Variants in TSHZ2 observed in about 807,000 individuals in gnomAD.
The protein encoded by TSHZ2 is teashirt zinc finger homeobox 2.
Under a neutral mutation model 74.4 loss-of-function variants are expected in TSHZ2, and 21 were observed. That is an observed-to-expected ratio of 0.28 (90% CI 0.20 to 0.41). TSHZ2 has a LOEUF of 0.41. Ranked by LOEUF, TSHZ2 falls within the 10% of genes least tolerant of loss-of-function variation. TSHZ2 has a pLI of 1.00. For missense variants in TSHZ2, 1,244 were observed against 1,293.5 expected, an observed-to-expected ratio of 0.96 and a Z score of 0.59; for synonymous variants, 540 against 515.3, an observed-to-expected ratio of 1.05 and a Z score of -0.65.
rs1568832069 is a variant in TSHZ2, at chr20:53,246,050, T to TTTTTTTTTTTTTTTTTTTTTTTTTTG, written c.41-7446_41-7445insTTTTTTTTTTTTTTTTTTTTTTGTTT. 4.0e-5 allele frequency among the ~76,000 whole-genome samples: 6 copies of TTTTTTTTTTTTTTTTTTTTTTTTTTG among 150,046 alleles called. 1 individual carries two copies. The highest frequency in any genetic ancestry group is 1.5e-4 in the African/African-American group (6 of 40,246). On this transcript the variant is annotated intron_variant, in intron 1 of 2. Transcript: ENST00000371497. Reference sequence around the variant, plus strand: ...TTTCTTTCTTTCTTTCTTTTTTTTTTTTTGTTTGAGACAGAGTCTTGCTAT... The same window carrying TTTTTTTTTTTTTTTTTTTTTTTTTTG: ...TTTCTTTCTTTCTTTCTTTTTTTTTTTTTTTTTTTTTTTTTTTTTTTTTTTGTTTGTTTGAGACAGAGTCTTGCTAT...
intron 2 of TSHZ2, among the ~76,000 whole-genome samples, chr20:53,307,299 A>C (rs999481300): frequency 1.7e-5 from 2 of 120,544 alleles, no homozygotes; most frequent in Admixed American, 8.1e-5. Flanking sequence ...TTCCAAGTAC[A>C]AAAGAGCTGA....
chr20:53,139,058 T>C (rs1987323055), intron 1 of TSHZ2, among the ~76,000 whole-genome samples: 1 of 152,212 alleles, frequency 6.6e-6, no homozygotes, highest in African/African-American at 2.4e-5. Flanking sequence ...GTTCTGACAG[T>C]GTTTCTCAAG....
At chr20:53,081,256 T>C (rs1985525828) in intron 1 of TSHZ2, among the ~76,000 whole-genome samples, 1 of 152,112 alleles carries the variant, frequency 6.6e-6, no homozygotes, top group Non-Finnish European at 1.5e-5. Flanking sequence ...GGTCTTAAAC[T>C]CCTGGCATCA....
chr20:52,998,295 A>G (rs1032576330), intron 1 of TSHZ2, among the ~76,000 whole-genome samples: 1 of 152,096 alleles, frequency 6.6e-6, no homozygotes, highest in Non-Finnish European at 1.5e-5. Flanking sequence ...CAGCCTCCTG[A>G]CTAGCTGGGA....
At chr20:53,047,808 C>T (rs1984280468) in intron 1 of TSHZ2, among the ~76,000 whole-genome samples, 1 of 152,130 alleles carries the variant, frequency 6.6e-6, no homozygotes, top group Non-Finnish European at 1.5e-5. Flanking sequence ...CTACTGCTGC[C>T]TTCAACATCA....
chr20:53,371,860 G>C (rs560462996), intron 2 of TSHZ2, among the ~76,000 whole-genome samples: 2 of 143,638 alleles, frequency 1.4e-5, no homozygotes, highest in African/African-American at 5.5e-5. Context: ...GGACTACAGA[G>C]AGAGACTCCG....
chr20:53,237,599 G>A (rs1302715692), intron 1 of TSHZ2, among the ~76,000 whole-genome samples: 2 of 151,986 alleles, frequency 1.3e-5, no homozygotes, highest in Non-Finnish European at 2.9e-5. Context: ...CCCATGACTG[G>A]AAAAAGATGA....
At chr20:53,196,493 C>T (rs564925914) in intron 1 of TSHZ2, 1 of 152,124 alleles carries the variant, frequency 6.6e-6, no homozygotes, top group East Asian at 1.9e-4. Flanking sequence ...CAACTCACCC[C>T]GACCTCTTAC....
At chr20:53,108,936 C>T (rs937880188) in intron 1 of TSHZ2, among the ~76,000 whole-genome samples, 2 of 152,148 alleles carry the variant, frequency 1.3e-5, no homozygotes, top group Non-Finnish European at 1.5e-5. Context: ...GAATACACAA[C>T]TCTCCCTTCT....
intron 1 of TSHZ2, among the ~76,000 whole-genome samples, chr20:53,144,242 C>A (rs1380484234): frequency 2.6e-5 from 4 of 152,128 alleles, no homozygotes; most frequent in Non-Finnish European, 5.9e-5. Flanking sequence ...AGTTTCTAAC[C>A]TTGTGGCTAA....
intron 2 of TSHZ2, among the ~76,000 whole-genome samples, chr20:53,349,357 G>C (rs961031752): frequency 6.6e-6 from 1 of 152,202 alleles, no homozygotes; most frequent in African/African-American, 2.4e-5. Context: ...AGCCTTTTCA[G>C]TAATTGTGTA....
rs1395979715 is a variant in TSHZ2 at position 53,487,472 on chromosome 20, G to A, written c.*337G>A. The A allele has an allele frequency of 6.6e-6, 1 of 152,092 alleles. No individual in the cohort carries two copies. Among genetic ancestry groups the A allele is most frequent in the Non-Finnish European group, 1.5e-5 (1 of 68,024 alleles). The allele number at this position is 152,092 out of a possible 1,614,324, so 9.4% of individuals were successfully genotyped here. A position where few individuals can be genotyped will look rare whatever the true frequency, so the allele number is the denominator to read the frequency against. ...CAAAGTGCCACCGAAGAAAAGTAAT[G>A]ACTGAGAGCATTGATGTACTTATTT... is the stretch of plus-strand genomic sequence containing the variant. On this transcript the variant is annotated 3_prime_UTR_variant, in exon 3 of 3. Coordinates refer to ENST00000371497, the MANE Select transcript of TSHZ2 (RefSeq NM_173485.6).
At chr20:53,383,205 G>A (rs1198520466) in intron 2 of TSHZ2, among the ~76,000 whole-genome samples, 1 of 151,858 alleles carries the variant, frequency 6.6e-6, no homozygotes. Flanking sequence ...AGCGGTTGCA[G>A]TGAGCCGAGA....
chr20:53,393,371 C>A (rs1384312780), intron 2 of TSHZ2, among the ~76,000 whole-genome samples: 1 of 152,228 alleles, frequency 6.6e-6, no homozygotes, highest in Non-Finnish European at 1.5e-5. Flanking sequence ...ACAGATTTAG[C>A]TTTGCAGTTC....
At chr20:53,082,317 C>A (rs997579195) in intron 1 of TSHZ2, among the ~76,000 whole-genome samples, 2 of 152,142 alleles carry the variant, frequency 1.3e-5, no homozygotes, top group African/African-American at 4.8e-5. Flanking sequence ...CTGAATAGAG[C>A]AAGCGAATTG....
chr20:53,402,560 G>A (rs1171848434), intron 2 of TSHZ2, among the ~76,000 whole-genome samples: 3 of 152,132 alleles, frequency 2.0e-5, no homozygotes, highest in African/African-American at 7.2e-5. Flanking sequence ...GTATCCCCAT[G>A]GTTTAGAGAT....
At chr20:53,016,748 G>A (rs1022392063) in intron 1 of TSHZ2, among the ~76,000 whole-genome samples, 1 of 152,168 alleles carries the variant, frequency 6.6e-6, no homozygotes, top group African/African-American at 2.4e-5. Flanking sequence ...AAGTCACAGT[G>A]ACTTAACACA....
At chr20:53,169,877 G>A (rs1177981167) in intron 1 of TSHZ2, among the ~76,000 whole-genome samples, 1 of 152,112 alleles carries the variant, frequency 6.6e-6, no homozygotes, top group Non-Finnish European at 1.5e-5. Context: ...ACACAGTTAT[G>A]TAACCAATGT....
chr20:53,409,584 T>C (rs1241692916), intron 2 of TSHZ2, among the ~76,000 whole-genome samples: 1 of 152,208 alleles, frequency 6.6e-6, no homozygotes, highest in Non-Finnish European at 1.5e-5. Flanking sequence ...TAGTCCTTGT[T>C]TTCAGGATGT....
Sources: allele counts gnomAD v4.1 joint callset (sites outside exome capture counted in the v4.1 genomes callset), GRCh38; gene constraint gnomAD v4.1.1; transcripts MANE v1.5; gene names NCBI Gene and HGNC (gene_info 2026-07-23, HGNC 2026-07-21).